Variants in ATP1A1 observed in about 807,000 individuals in gnomAD.
ATP1A1 encodes sodium/potassium-transporting ATPase subunit alpha-1.
Under a neutral mutation model 114.8 loss-of-function variants are expected in ATP1A1, and 14 were observed. The ratio of observed to expected loss-of-function variants is 0.12; its 90% CI spans 0.08 to 0.19. The LOEUF is 0.19. Among genes scored for constraint, ATP1A1 ranks in the 10% least tolerant of loss-of-function variants. The probability of loss-of-function intolerance (pLI) is 1.00; values close to 1 mark genes in which losing one functional copy is unlikely to be tolerated. For missense variants in ATP1A1, 524 were observed against 1,290.7 expected (o/e 0.41, Z 9.10); for synonymous variants, 471 against 466.3 (o/e 1.01, Z -0.13).
rs535384986 is a variant in ATP1A1 at position 116,403,848 on chromosome 1, G to A, written c.2952-36G>A. ...CTCTTTCTTTATTTGAACTGTGTTC[G>A]TGTGCATATAAATTGGTACCTTACT... On this transcript the variant is annotated intron_variant, in intron 21 of 22. Transcript: ENST00000295598. The A allele has an allele frequency of 9.5e-5, 145 of 1,521,992 alleles. 3 individuals are homozygous for A. In the South Asian group the frequency reaches 1.4e-3, roughly 15 times the overall value. 94.3% of individuals were successfully genotyped at this position (1,521,992 alleles called of 1,614,324 possible). A position where few individuals can be genotyped will look rare whatever the true frequency, so the allele number is the denominator to read the frequency against.
At chr1:116,402,627 GT>G (rs111635515) in intron 21 of ATP1A1, among the ~76,000 whole-genome samples, 12,784 of 152,172 alleles carry the variant, frequency 0.084, 1,251 homozygotes, top group African/African-American at 0.24. Flanking sequence ...GCTTTCTCTT[GT>G]ACCCCTTACC....
At chr1:116,390,485 TG>T in intron 9 of ATP1A1, 74 bp downstream of exon 9, 1 of 1,439,830 alleles carries the variant, frequency 6.9e-7, no homozygotes, top group South Asian at 1.3e-5. Context: ...AGAAATTGCA[TG>T]AAATTTCTTT....
rs111982540 is a variant in ATP1A1 at position 116,385,076 on chromosome 1, GA to G, written c.183+235del. The G allele has an allele frequency of 3.0e-5, 14 of 469,674 alleles. 1 individual carries two copies. Among genetic ancestry groups the G allele is most frequent in the African/African-American group, 1.4e-4 (7 of 48,814 alleles). 29.1% of individuals were successfully genotyped at this position (469,674 alleles called of 1,614,324 possible). A position where few individuals can be genotyped will look rare whatever the true frequency, so the allele number is the denominator to read the frequency against. ...CTTTTCCCTATTTTATAGCAGTTGAGAGCCAGTAAGTGGGAACACCAGGACT... is the reference window on the plus strand; with the variant it reads ...CTTTTCCCTATTTTATAGCAGTTGAGGCCAGTAAGTGGGAACACCAGGACT... On this transcript the variant is annotated intron_variant, in intron 3 of 22. Coordinates refer to ENST00000295598, the MANE Select transcript of ATP1A1 (RefSeq NM_000701.8). This position sits in a 1 kb window ranked among gnomAD's most constrained non-coding sequence, Gnocchi z 4.3.
Position 116,373,367 on chromosome 1 carries a change from C to CCCAA in ATP1A1, c.-143_-142insAACC. 5 of 460,510 alleles carry CCCAA rather than the reference C, an allele frequency of 1.1e-5. No homozygotes were observed. Among genetic ancestry groups the CCCAA allele is most frequent in the East Asian group, 4.9e-5 (1 of 20,228 alleles). The allele number at this position is 460,510 out of a possible 1,614,324, so 28.5% of individuals were successfully genotyped here. ...CGGCATCGGCCCGAGCCGCCGGCCG[C>CCCAA]CCTCCCACCCTCCCGCCCCGCGGCA... is the stretch of plus-strand genomic sequence containing the variant. On this transcript the variant is annotated 5_prime_UTR_variant, in exon 1 of 23. Coordinates refer to ENST00000295598, the MANE Select transcript of ATP1A1 (RefSeq NM_000701.8).
Position 116,396,592 on chromosome 1 carries a change from T to G in ATP1A1, c.1837-6T>G. Reference sequence around the variant, plus strand: ...TGCATTCAACACATTGTCTTGTTTATTACAGGTCATCATGGTCACAGGAGA... The same window carrying G: ...TGCATTCAACACATTGTCTTGTTTAGTACAGGTCATCATGGTCACAGGAGA... On this transcript the variant is annotated splice_region_variant and splice_polypyrimidine_tract_variant and intron_variant, in intron 13 of 22. Coordinates refer to ENST00000295598, the MANE Select transcript of ATP1A1 (RefSeq NM_000701.8). The G allele has an allele frequency of 6.2e-7, 1 of 1,613,676 alleles. No homozygotes were observed. Among genetic ancestry groups the G allele is most frequent in the Non-Finnish European group, 8.5e-7 (1 of 1,179,814 alleles).
intron 1 of ATP1A1, chr1:116,383,587 C>CT (rs1330122470): frequency 6.1e-6 from 1 of 164,974 alleles, no homozygotes; most frequent in African/African-American, 2.4e-5. Flanking sequence ...TAACTCAAGG[C>CT]TGTCTGATTG....
intron 1 of ATP1A1, among the ~76,000 whole-genome samples, chr1:116,374,785 T>C (rs1651250486): frequency 6.6e-6 from 1 of 152,122 alleles, no homozygotes; most frequent in Non-Finnish European, 1.5e-5. Flanking sequence ...ACTGAGTAGG[T>C]CTTTGAAGGC....
At position 116,389,725 on chromosome 1, in the gene ATP1A1, G is replaced by A. The variant is rs1652314531; in HGVS notation, c.1023+18G>A. On this transcript the variant is annotated intron_variant, in intron 8 of 22. Transcript: ENST00000295598. The surrounding 1 kb of genome is among the most constrained non-coding windows in gnomAD (Gnocchi z 6.9). ...CTGTCACGGTAAGAGGCAGGTGATG[G>A]TCACCCTGACTCAGATCAGCTTGCA... 1.2e-6 allele frequency: 2 copies of A among 1,613,584 alleles called. No homozygotes were observed. The highest frequency in any genetic ancestry group is 3.3e-5 in the Admixed American group (2 of 59,976).
chr1:116,373,925 C>T, intron 1 of ATP1A1: 1 of 1,309,976 alleles, frequency 7.6e-7, no homozygotes, highest in Non-Finnish European at 9.7e-7. Context: ...CCCCTCCCTG[C>T]GACCGCCGTC....
Position 116,398,516 on chromosome 1 carries a change from A to G in ATP1A1, c.2125-105A>G. ...GGCTTCATAAATAGTCTCAATAGGA[A>G]AGGAGCAGTGTCTGTAATGAGTGCT... On this transcript the variant is annotated intron_variant, in intron 15 of 22. Transcript: ENST00000295598. The surrounding 1 kb of genome is among the most constrained non-coding windows in gnomAD (Gnocchi z 6.1). The G allele has an allele frequency of 1.4e-6, 2 of 1,383,180 alleles. No individual in the cohort carries two copies. The highest frequency in any genetic ancestry group is 9.9e-7 in the Non-Finnish European group (1 of 1,010,616). The allele number at this position is 1,383,180 out of a possible 1,614,324, so 85.7% of individuals were successfully genotyped here.
At chr1:116,392,047 G>A (rs2101049392) in intron 10 of ATP1A1, among the ~76,000 whole-genome samples, 1 of 152,304 alleles carries the variant, frequency 6.6e-6, no homozygotes, top group East Asian at 1.9e-4. Context: ...CAACTTTCTT[G>A]CTCTGTGGAG....
chr1:116,396,181 T>C (rs953479635), intron 13 of ATP1A1, among the ~76,000 whole-genome samples: 3 of 152,096 alleles, frequency 2.0e-5, no homozygotes, highest in African/African-American at 7.2e-5. Context: ...TGAATTCTTG[T>C]CACATGTTGC....
chr1:116,399,219 C>G lies in ATP1A1; in HGVS notation c.2448+135C>G. 1 of 1,407,610 alleles carries G rather than the reference C, an allele frequency of 7.1e-7. No homozygotes were observed. 87.2% of individuals were successfully genotyped at this position (1,407,610 alleles called of 1,614,324 possible). A position where few individuals can be genotyped will look rare whatever the true frequency, so the allele number is the denominator to read the frequency against. ...CTCAGGACCAGTATCCAGTGTGTGT[C>G]CCAATCCCGGCTTCACAGAATCAGT... is the stretch of plus-strand genomic sequence containing the variant. On this transcript the variant is annotated intron_variant, in intron 17 of 22. Coordinates refer to ENST00000295598, the MANE Select transcript of ATP1A1 (RefSeq NM_000701.8). This position sits in a 1 kb window ranked among gnomAD's most constrained non-coding sequence, Gnocchi z 5.0.
At chr1:116,390,964 C>A in intron 10 of ATP1A1, 73 bp downstream of exon 10, 4 of 1,323,258 alleles carry the variant, frequency 3.0e-6, no homozygotes, top group South Asian at 1.2e-5. Context: ...TTAAAAGTAG[C>A]AAATTACCTT....
Position 116,384,926 on chromosome 1 carries a change from C to T in ATP1A1, c.183+84C>T. On this transcript the variant is annotated intron_variant, in intron 3 of 22. Transcript: ENST00000295598. The surrounding 1 kb of genome is among the most constrained non-coding windows in gnomAD (Gnocchi z 5.1). ...CCTGTATTACATACAGGTCTAACCT[C>T]AGGGGCTCTAGTAAGAAAATGACAG... The T allele has an allele frequency of 7.5e-7, 1 of 1,334,532 alleles. No individual in the cohort carries two copies. Among genetic ancestry groups the T allele is most frequent in the Non-Finnish European group, 1.1e-6 (1 of 932,468 alleles). 82.7% of individuals were successfully genotyped at this position (1,334,532 alleles called of 1,614,324 possible). A position where few individuals can be genotyped will look rare whatever the true frequency, so the allele number is the denominator to read the frequency against.
At position 116,399,833 on chromosome 1, in the gene ATP1A1, C is replaced by T. The variant is rs192076105; in HGVS notation, c.2572+290C>T. 1.6e-4 allele frequency among the ~76,000 whole-genome samples: 24 copies of T among 152,354 alleles called. No homozygotes were observed. Among genetic ancestry groups the T allele is most frequent in the African/African-American group, 5.8e-4 (24 of 41,588 alleles). ...ATGAGGATGTCCTTCCTCACTGAGC[C>T]TTGCGGAACAGGAGGCATGGTTCTA... On this transcript the variant is annotated intron_variant, in intron 18 of 22. Transcript: ENST00000295598. This position sits in a 1 kb window ranked among gnomAD's most constrained non-coding sequence, Gnocchi z 5.0.
intron 1 of ATP1A1, among the ~76,000 whole-genome samples, chr1:116,375,049 G>GCTTTTACCACAC (rs2101027551): frequency 6.6e-6 from 1 of 152,314 alleles, no homozygotes; most frequent in Non-Finnish European, 1.5e-5. Context: ...AGTGGCCTGT[G>GCTTTTACCACAC]CTTTTACCAC....
intron 12 of ATP1A1, 112 bp from the exon 13 acceptor site, chr1:116,394,998 A>C (rs1318970310): frequency 9.0e-6 from 10 of 1,112,206 alleles, no homozygotes; most frequent in African/African-American, 1.6e-5. Flanking sequence ...GACTTTAAAA[A>C]TTTTCCAAAG....
Position 116,396,614 on chromosome 1 carries a change from G to C in ATP1A1, c.1853G>C (p.Gly618Ala). The change falls in exon 14 of 23, where the codon GGA becomes GCA. Residue 618 changes from glycine to alanine, a missense_variant. By Grantham distance (60) the Gly-to-Ala change is moderately conservative. Around this residue, in one of 8 missense-constraint regions of ATP1A1, gnomAD observed 12 missense variants for 63.1 expected, o/e 0.19. Transcript: ENST00000295598. ...SAGIKVIMVT[G>A]DHPITAKAIA... ...TTATTACAGGTCATCATGGTCACAG[G>C]AGACCATCCAATCACAGCTAAAGCT... The C allele has an allele frequency of 6.2e-7, 1 of 1,613,810 alleles. No homozygotes were observed. Among genetic ancestry groups the C allele is most frequent in the Non-Finnish European group, 8.5e-7 (1 of 1,179,888 alleles).
Sources: gnomAD v4.1 joint callset for allele counts (sites outside exome capture counted in the v4.1 genomes callset) on GRCh38, gnomAD v4.1.1 for gene constraint, gnomAD v4.1.1 regional missense constraint, Gnocchi (gnomAD v3.1) non-coding constraint, MANE v1.5 for transcripts, NCBI Gene and HGNC (gene_info 2026-07-23, HGNC 2026-07-21) for gene names.